NOVA2: variants seen among roughly 807,000 people sequenced by gnomAD.
NOVA2 encodes the protein RNA-binding protein Nova-2.
NOVA2 carries 9 observed loss-of-function variants against 22.5 expected under a neutral mutation model. The ratio of observed to expected loss-of-function variants is 0.40; its 90% CI spans 0.24 to 0.70. The LOEUF (loss-of-function observed/expected upper bound fraction) is 0.70. NOVA2 is among the 30% of genes least tolerant of loss of function. The pLI, the probability that NOVA2 is intolerant of heterozygous loss-of-function variation, is 0.38. For missense variants in NOVA2, 383 were observed against 682.8 expected, an observed-to-expected ratio of 0.56 and a Z score of 4.89; for synonymous variants, 318 against 335.2, an observed-to-expected ratio of 0.95 and a Z score of 0.56.
At chr19:45,971,526 A>T (rs1968231839) in intron 1 of NOVA2, among the ~76,000 whole-genome samples, 1 of 151,926 alleles carries the variant, frequency 6.6e-6, no homozygotes, top group South Asian at 2.1e-4. Flanking sequence ...TCTGCTGGAC[A>T]CCCTCACAGG....
intron 2 of NOVA2, among the ~76,000 whole-genome samples, chr19:45,955,409 G>A (rs1032394301): frequency 3.3e-5 from 5 of 152,182 alleles, no homozygotes; most frequent in African/African-American, 7.2e-5. Context: ...GTTTGTGTAT[G>A]TGTGTGTCTG....
At chr19:45,972,824 C>T (rs1173154451) in intron 1 of NOVA2, among the ~76,000 whole-genome samples, 3 of 152,186 alleles carry the variant, frequency 2.0e-5, no homozygotes, top group Non-Finnish European at 4.4e-5. Context: ...CCATCTGGGA[C>T]AACCCTTGTT....
At chr19:45,957,834 C>T (rs1280531934) in intron 2 of NOVA2, among the ~76,000 whole-genome samples, 1 of 151,952 alleles carries the variant, frequency 6.6e-6, no homozygotes, top group Non-Finnish European at 1.5e-5. Flanking sequence ...TGGCCGGTCG[C>T]GGTGGCTCAA....
chr19:45,958,124 A>T (rs979080380), intron 2 of NOVA2, among the ~76,000 whole-genome samples: 1 of 151,844 alleles, frequency 6.6e-6, no homozygotes, highest in South Asian at 2.1e-4. Flanking sequence ...AAAAAAAAAA[A>T]AAAAAAATAG....
intron 2 of NOVA2, among the ~76,000 whole-genome samples, chr19:45,959,830 G>C (rs1162274939): frequency 6.6e-6 from 1 of 150,932 alleles, no homozygotes; most frequent in African/African-American, 2.4e-5. Context: ...GGGAGAGAGA[G>C]AGAGAGAGAG....
intron 2 of NOVA2, among the ~76,000 whole-genome samples, chr19:45,957,878 C>T (rs143902803): frequency 0.023 from 3,426 of 151,852 alleles, 141 homozygotes; most frequent in African/African-American, 0.078. Context: ...GCGGGTGGAT[C>T]GCGAGGTCAG....
chr19:45,939,055 AGACC>A lies in NOVA2; in HGVS notation c.*804_*807del. The A allele has an allele frequency of 6.6e-6, 1 of 152,366 alleles. No homozygotes were observed. The highest frequency in any genetic ancestry group is 2.4e-5 in the African/African-American group (1 of 41,568). The allele number at this position is 152,366 out of a possible 1,614,324, so 9.4% of individuals were successfully genotyped here. A position where few individuals can be genotyped will look rare whatever the true frequency, so the allele number is the denominator to read the frequency against. On this transcript the variant is annotated 3_prime_UTR_variant, in exon 4 of 4. Transcript: ENST00000263257. ...AAAGTACTCAGTGACATCACAACAGAGACCCTCATTGCCATTACTCTAAGCCATC... is the reference window on the plus strand; with the variant it reads ...AAAGTACTCAGTGACATCACAACAGACTCATTGCCATTACTCTAAGCCATC...
At chr19:45,944,511 A>G (rs1344891389) in intron 3 of NOVA2, among the ~76,000 whole-genome samples, 1 of 152,244 alleles carries the variant, frequency 6.6e-6, no homozygotes, top group Non-Finnish European at 1.5e-5. Flanking sequence ...TTGTTTTATA[A>G]CAAATCACCT....
Position 45,939,788 on chromosome 19 carries a change from G to C in NOVA2, c.*75C>G, listed in dbSNP as rs1967715862. On this transcript the variant is annotated 3_prime_UTR_variant, in exon 4 of 4. Coordinates refer to ENST00000263257, the MANE Select transcript of NOVA2 (RefSeq NM_002516.4). ...CAGGACTACACCAAGCTGAGGTCAG[G>C]AGTTGGGGGGGAGGAGGAGAGGGAA... 1.9e-6 allele frequency: 3 copies of C among 1,574,968 alleles called. No homozygotes were observed. Among genetic ancestry groups the C allele is most frequent in the Admixed American group, 1.8e-5 (1 of 55,234 alleles).
At position 45,961,059 on chromosome 19, in the gene NOVA2, C is replaced by T. The variant is rs781002031; in HGVS notation, c.180G>A (p.Lys60=). The change falls in exon 2 of 4, where the codon AAG becomes AAA. Residue 60 remains lysine, a synonymous_variant. Coordinates refer to ENST00000263257, the MANE Select transcript of NOVA2 (RefSeq NM_002516.4). ...KGGQTIVQLQ[K]ETGATIKLSK... is the part of the protein sequence containing the mutation. ...AGAGCTTGATGGTGGCTCCGGTCTCCTTCTGCAGCTGCACGATGGTCTGCC... is the reference window on the plus strand; with the variant it reads ...AGAGCTTGATGGTGGCTCCGGTCTCTTTCTGCAGCTGCACGATGGTCTGCC... The T allele has an allele frequency of 3.8e-6, 6 of 1,580,416 alleles. No individual in the cohort carries two copies. The East Asian group carries it at 1.2e-4, about 30-fold the overall frequency.
intron 3 of NOVA2, among the ~76,000 whole-genome samples, chr19:45,952,609 C>T (rs2146415726): frequency 6.6e-6 from 1 of 152,310 alleles, no homozygotes; most frequent in Middle Eastern, 3.4e-3. Context: ...ACCCTGAGTC[C>T]CTTGTGGCCA....
intron 2 of NOVA2, among the ~76,000 whole-genome samples, chr19:45,956,062 C>A (rs1195536981): frequency 6.6e-6 from 1 of 152,124 alleles, no homozygotes; most frequent in South Asian, 2.1e-4. Flanking sequence ...TGTGTCTGGG[C>A]GTCACTGTCT....
At chr19:45,952,372 C>A (rs1967939083) in intron 3 of NOVA2, among the ~76,000 whole-genome samples, 1 of 152,242 alleles carries the variant, frequency 6.6e-6, no homozygotes, top group African/African-American at 2.4e-5. Context: ...AAGTACTGTA[C>A]GGAGAAGGAT....
At chr19:45,963,841 A>G (rs1299774739) in intron 1 of NOVA2, among the ~76,000 whole-genome samples, 1 of 152,004 alleles carries the variant, frequency 6.6e-6, no homozygotes, top group Non-Finnish European at 1.5e-5. Flanking sequence ...CCCTCAGTCA[A>G]TATCTTTTGT....
At chr19:45,973,138 C>T in intron 1 of NOVA2, 129 bp downstream of exon 1, 1 of 263,382 alleles carries the variant, frequency 3.8e-6, no homozygotes, top group Non-Finnish European at 7.2e-6. Context: ...CCGCTCTGTC[C>T]CCCGCCTCGG....
intron 2 of NOVA2, among the ~76,000 whole-genome samples, chr19:45,956,254 G>A (rs988122754): frequency 6.6e-6 from 1 of 152,124 alleles, no homozygotes; most frequent in Non-Finnish European, 1.5e-5. Flanking sequence ...ACTGGGGGGC[G>A]GGGTAGGGGG....
intron 3 of NOVA2, 45 bp from the exon 4 acceptor site, chr19:45,940,990 A>T (rs1212076550): frequency 1.3e-6 from 2 of 1,510,014 alleles, no homozygotes; most frequent in Non-Finnish European, 1.8e-6. Flanking sequence ...TATTTTTTTA[A>T]AAAATTAAAT....
chr19:45,972,614 A>G (rs2146431878), intron 1 of NOVA2, among the ~76,000 whole-genome samples: 1 of 151,882 alleles, frequency 6.6e-6, no homozygotes, highest in East Asian at 1.9e-4. Flanking sequence ...ACACCCCCCT[A>G]TGCTGTCATA....
intron 1 of NOVA2, among the ~76,000 whole-genome samples, chr19:45,963,379 C>A (rs1968123927): frequency 6.6e-6 from 1 of 151,244 alleles, no homozygotes; most frequent in Non-Finnish European, 1.5e-5. Flanking sequence ...TGTGACTTGG[C>A]CCCACCCACC....
Sources: gnomAD v4.1 joint callset for allele counts (sites outside exome capture counted in the v4.1 genomes callset) on GRCh38, gnomAD v4.1.1 for gene constraint, MANE v1.5 for transcripts, NCBI Gene and HGNC (gene_info 2026-07-23, HGNC 2026-07-21) for gene names.